The following CPQ variants were observed in gnomAD, a reference collection of about 807,000 sequenced individuals.
The protein encoded by CPQ is carboxypeptidase Q, also known as Ser-Met dipeptidase.
Under a neutral mutation model 45.7 loss-of-function variants are expected in CPQ, and 37 were observed. That is an observed-to-expected ratio of 0.81 (90% confidence interval 0.62 to 1.07). The LOEUF is 1.07. CPQ is among the 50% of genes least tolerant of loss of function. The pLI is 0.00. For missense variants in CPQ, 537 were observed against 572.9 expected (o/e 0.94, Z 0.64); for synonymous variants, 186 against 205.8 (o/e 0.90, Z 0.82).
intron 1 of CPQ, among the ~76,000 whole-genome samples, chr8:96,776,924 T>C (rs1018562395): frequency 1.3e-5 from 2 of 152,190 alleles, no homozygotes; most frequent in Admixed American, 6.6e-5. Flanking sequence ...TAACATTTGA[T>C]AACTCCATAC....
At chr8:96,839,921 T>C (rs1259188258) in intron 3 of CPQ, among the ~76,000 whole-genome samples, 2 of 152,182 alleles carry the variant, frequency 1.3e-5, no homozygotes, top group East Asian at 3.8e-4. Context: ...GGTATCTCTT[T>C]TACTGAAGGA....
At chr8:96,879,146 C>T (rs1263070325) in intron 3 of CPQ, among the ~76,000 whole-genome samples, 1 of 152,098 alleles carries the variant, frequency 6.6e-6, no homozygotes, top group East Asian at 1.9e-4. Context: ...AATATCTGAC[C>T]AGTTGGGATG....
chr8:96,784,159 T>C (rs138196816), intron 1 of CPQ, among the ~76,000 whole-genome samples: 36 of 152,160 alleles, frequency 2.4e-4, no homozygotes, highest in African/African-American at 7.9e-4. Context: ...GCATGCACTA[T>C]ATAAATGCTT....
At chr8:97,042,791 C>T (rs1393119592) in intron 6 of CPQ, among the ~76,000 whole-genome samples, 105 of 151,208 alleles carry the variant, frequency 6.9e-4, no homozygotes, top group African/African-American at 2.5e-3. Flanking sequence ...TGTAGTTGAG[C>T]GGTTTTGAGT....
intron 6 of CPQ, among the ~76,000 whole-genome samples, chr8:97,062,499 G>C (rs767092120): frequency 3.9e-5 from 6 of 152,092 alleles, no homozygotes; most frequent in Non-Finnish European, 8.8e-5. Context: ...TAAGTTCAGG[G>C]GTACATGTGC....
intron 4 of CPQ, among the ~76,000 whole-genome samples, chr8:96,922,674 C>T (rs577781323): frequency 1.9e-4 from 29 of 152,250 alleles, no homozygotes; most frequent in Non-Finnish European, 1.9e-4. Flanking sequence ...CCAATGTCTC[C>T]GACAACCTAA....
At chr8:96,808,049 C>A (rs1276578523) in intron 2 of CPQ, among the ~76,000 whole-genome samples, 1 of 152,102 alleles carries the variant, frequency 6.6e-6, no homozygotes, top group African/African-American at 2.4e-5. Context: ...TTTCACAAGT[C>A]CCTCTACTGA....
intron 1 of CPQ, among the ~76,000 whole-genome samples, chr8:96,705,192 A>C (rs1809517071): frequency 6.6e-6 from 1 of 152,192 alleles, no homozygotes; most frequent in Admixed American, 6.6e-5. Flanking sequence ...GCCCAAGCAT[A>C]TCTCTCTAAT....
chr8:96,684,691 G>A (rs970356399), intron 1 of CPQ, among the ~76,000 whole-genome samples: 5 of 152,126 alleles, frequency 3.3e-5, no homozygotes, highest in South Asian at 2.1e-4. Flanking sequence ...TTGATTTCCA[G>A]GTTCTTGGAT....
intron 1 of CPQ, among the ~76,000 whole-genome samples, chr8:96,683,816 T>C (rs1809186743): frequency 6.6e-6 from 1 of 152,038 alleles, no homozygotes; most frequent in Non-Finnish European, 1.5e-5. Context: ...CTGTGCTTGG[T>C]ATACTCTATT....
intron 4 of CPQ, among the ~76,000 whole-genome samples, chr8:96,946,986 A>G (rs955366162): frequency 6.6e-6 from 1 of 152,168 alleles, no homozygotes; most frequent in African/African-American, 2.4e-5. Context: ...TAACTTGTAC[A>G]TCTACTGTCC....
At chr8:97,123,303 T>C (rs1253043781) in intron 7 of CPQ, among the ~76,000 whole-genome samples, 1 of 147,886 alleles carries the variant, frequency 6.8e-6, no homozygotes, top group Non-Finnish European at 1.5e-5. Flanking sequence ...TTTTGGTTTT[T>C]AAAATAGCTT....
intron 7 of CPQ, among the ~76,000 whole-genome samples, chr8:97,112,704 A>G (rs1811518025): frequency 6.6e-6 from 1 of 152,248 alleles, no homozygotes; most frequent in Non-Finnish European, 1.5e-5. Context: ...CAGCACTGAC[A>G]GCATGGATCA....
chr8:96,938,427 G>A (rs191561690), intron 4 of CPQ, among the ~76,000 whole-genome samples: 1 of 152,198 alleles, frequency 6.6e-6, no homozygotes, highest in Non-Finnish European at 1.5e-5. Context: ...AACCAAATTA[G>A]GATAATTGAG....
chr8:97,048,570 G>A (rs898060208), intron 6 of CPQ, among the ~76,000 whole-genome samples: 6 of 152,150 alleles, frequency 3.9e-5, no homozygotes, highest in Admixed American at 2.0e-4. Context: ...ACAGTTGAGA[G>A]CTCAGTTTGT....
At chr8:96,733,054 T>C (rs1303609979) in intron 1 of CPQ, among the ~76,000 whole-genome samples, 1 of 152,190 alleles carries the variant, frequency 6.6e-6, no homozygotes, top group East Asian at 1.9e-4. Flanking sequence ...GAGTCTCCTG[T>C]AAACTCCAGC....
At chr8:96,703,109 T>C (rs115040985) in intron 1 of CPQ, among the ~76,000 whole-genome samples, 1,849 of 152,316 alleles carry the variant, frequency 0.012, 47 homozygotes, top group African/African-American at 0.04. Context: ...GAAAGTGTTA[T>C]GACCAGAGGC....
intron 1 of CPQ, among the ~76,000 whole-genome samples, chr8:96,732,563 A>ATTTTTTTTTTTTTTTT (rs1563482139): frequency 9.5e-6 from 1 of 105,238 alleles, no homozygotes. Flanking sequence ...TTTACTTTCT[A>ATTTTTTTTTTTTTTTT]TTTTTCTTTT....
At chr8:96,988,544 G>C (rs1207008839) in intron 5 of CPQ, among the ~76,000 whole-genome samples, 2 of 152,138 alleles carry the variant, frequency 1.3e-5, no homozygotes, top group Non-Finnish European at 2.9e-5. Context: ...TGCAGATGCT[G>C]TTTTCCCACT....
Sources: gnomAD v4.1 joint callset for allele counts (sites outside exome capture counted in the v4.1 genomes callset) on GRCh38, gnomAD v4.1.1 for gene constraint, MANE v1.5 for transcripts, NCBI Gene and HGNC (gene_info 2026-07-23, HGNC 2026-07-21) for gene names.